Variants in RPE65 observed in about 807,000 individuals in gnomAD.
RPE65 encodes the protein retinoid isomerohydrolase RPE65.
A neutral mutation model predicts 68.5 loss-of-function variants in RPE65; 58 were observed. That is an observed-to-expected ratio of 0.85 (90% confidence interval 0.69 to 1.05). The LOEUF (loss-of-function observed/expected upper bound fraction) is 1.05, where lower values mean the gene tolerates loss of function less well. Among genes scored for constraint, RPE65 ranks in the 50% least tolerant of loss-of-function variants. The probability of loss-of-function intolerance (pLI) is 0.00; values close to 1 mark genes in which losing one functional copy is unlikely to be tolerated. For missense variants in RPE65, 643 were observed against 629.9 expected (o/e 1.02, Z -0.22); for synonymous variants, 220 against 222.2 (o/e 0.99, Z 0.09).
chr1:68,439,359 G>T (rs780930307), intron 7 of RPE65, 36 bp from the exon 8 acceptor site: 40 of 1,610,968 alleles, frequency 2.5e-5, no homozygotes, highest in Non-Finnish European at 3.3e-5. Context: ...TGAATGAAAG[G>T]GCTGATTCTC....
chr1:68,449,836 T>G, intron 1 of RPE65, 59 bp downstream of exon 1: 2 of 1,582,154 alleles, frequency 1.3e-6, no homozygotes, highest in Non-Finnish European at 1.7e-6. Flanking sequence ...GCCCTTGAAA[T>G]AGCACATTTA....
rs759019904 is a variant in RPE65, at chr1:68,431,555, G to T, written c.1159C>A (p.Pro387Thr). Residue 387 changes from proline (P) to threonine (T), a missense_variant, in exon 11 of 14, where the codon CCC becomes ACC. Pro to Thr is a conservative substitution (Grantham distance 38). Transcript: ENST00000262340. Reference sequence around the variant, plus strand: ...AGAATTGCAGTGGCAGTTGTATTGGGGAGCGTGACTAAATTCTTGCCTGTG... The same window carrying T: ...AGAATTGCAGTGGCAGTTGTATTGGTGAGCGTGACTAAATTCTTGCCTGTG... ...ADTGKNLVTL[P>T]NTTATAILCS... is the part of the protein sequence containing the mutation. The T allele has an allele frequency of 1.2e-6, 2 of 1,613,862 alleles. No homozygotes were observed. Among genetic ancestry groups the T allele is most frequent in the Non-Finnish European group, 1.7e-6 (2 of 1,179,882 alleles).
intron 10 of RPE65, among the ~76,000 whole-genome samples, chr1:68,435,136 C>T (rs1346264531): frequency 6.6e-6 from 1 of 152,040 alleles, no homozygotes; most frequent in Non-Finnish European, 1.5e-5. Context: ...ATCTTTGTGA[C>T]GTTACTCTCT....
chr1:68,440,805 C>T (rs772587294), intron 6 of RPE65, 48 bp downstream of exon 6: 1 of 1,606,068 alleles, frequency 6.2e-7, no homozygotes, highest in South Asian at 1.1e-5. Context: ...GTAACTTTCT[C>T]ACAATATAGA....
intron 2 of RPE65, 92 bp downstream of exon 2, chr1:68,448,532 G>T: frequency 2.6e-6 from 3 of 1,162,494 alleles, no homozygotes; most frequent in African/African-American, 1.5e-5. Flanking sequence ...TGACCCACAG[G>T]GGGAGTCTGC....
At chr1:68,432,334 C>T (rs1231054060) in intron 10 of RPE65, among the ~76,000 whole-genome samples, 1 of 151,816 alleles carries the variant, frequency 6.6e-6, no homozygotes, top group African/African-American at 2.4e-5. Flanking sequence ...TTATAATATA[C>T]CACAAATGTG....
intron 2 of RPE65, among the ~76,000 whole-genome samples, chr1:68,447,293 G>A (rs1348148006): frequency 6.6e-6 from 1 of 152,176 alleles, no homozygotes; most frequent in Non-Finnish European, 1.5e-5. Context: ...TTAAAAAGAT[G>A]TGTCTATAGA....
At chr1:68,443,724 T>C (rs1645919835) in intron 5 of RPE65, among the ~76,000 whole-genome samples, 1 of 152,202 alleles carries the variant, frequency 6.6e-6, no homozygotes, top group Non-Finnish European at 1.5e-5. Flanking sequence ...CCTATTACAG[T>C]TACATATTTG....
In RPE65 at chr1:68,431,131, C is replaced by A. The variant is rs62637006; in HGVS notation, c.1384G>T (p.Glu462Ter). Reference sequence around the variant, plus strand: ...GGTTCTGATGGGTATGAATCAGGCTCTTGCCAAACCCAAGTTTCTTTAGTT... The same window carrying A: ...GGTTCTGATGGGTATGAATCAGGCTATTGCCAAACCCAAGTTTCTTTAGTT... ...VKTKETWVWQ[E>*]PDSYPSEPIF... The change falls in exon 13 of 14, where the codon GAG (glutamate) becomes TAG (stop). Residue 462 changes from glutamate to a stop codon, truncating the protein, a stop_gained. Transcript: ENST00000262340. LOFTEE classifies it high-confidence loss of function. The A allele has an allele frequency of 6.2e-7, 1 of 1,613,836 alleles. No homozygotes were observed. The highest frequency in any genetic ancestry group is 8.5e-7 in the Non-Finnish European group (1 of 1,179,834).
At chr1:68,434,348 G>A (rs781747113) in intron 10 of RPE65, among the ~76,000 whole-genome samples, 1 of 151,942 alleles carries the variant, frequency 6.6e-6, no homozygotes, top group Non-Finnish European at 1.5e-5. Flanking sequence ...TGTCCTTAGG[G>A]GAGAGAGCCA....
intron 10 of RPE65, 53 bp downstream of exon 10, chr1:68,438,134 G>T: frequency 6.2e-7 from 1 of 1,608,142 alleles, no homozygotes; most frequent in Non-Finnish European, 8.5e-7. Flanking sequence ...GACAATTCCT[G>T]AGAGAGATGA....
rs1645928294 is a variant in RPE65, at chr1:68,444,621, A to T, written c.405T>A (p.Asn135Lys). The T allele has an allele frequency of 6.2e-7, 1 of 1,614,192 alleles. No homozygotes were observed. Among genetic ancestry groups the T allele is most frequent in the Admixed American group, 1.7e-5 (1 of 60,020 alleles). The change falls in exon 5 of 14, where the codon AAT (asparagine) becomes AAA (lysine). Residue 135 changes from asparagine to lysine, a missense_variant. Transcript: ENST00000262340. ...GVEVTDNALV[N>K]VYPVGEDYYA... ...AGTAATCTTCCCCCACTGGGTAGAC[A>T]TTAACAAGGGCATTGTCAGTAACCT... is the stretch of plus-strand genomic sequence containing the variant.
rs1489591456 is a variant in RPE65 at position 68,429,672 on chromosome 1, A to T, written c.*104T>A. 2 of 1,447,874 alleles carry T rather than the reference A, an allele frequency of 1.4e-6. No individual in the cohort carries two copies. The highest frequency in any genetic ancestry group is 9.6e-7 in the Non-Finnish European group (1 of 1,044,068). 89.7% of individuals were successfully genotyped at this position (1,447,874 alleles called of 1,614,324 possible). On this transcript the variant is annotated 3_prime_UTR_variant, in exon 14 of 14. Coordinates refer to ENST00000262340, the MANE Select transcript of RPE65 (RefSeq NM_000329.3). ...GCAAAATTGTGCGCATCTGCAAGTT[A>T]AAACCATGACATATAGCAGGCTAAA...
Position 68,440,843 on chromosome 1 carries a change from G to T in RPE65, c.643+10C>A, listed in dbSNP as rs758825902. On this transcript the variant is annotated intron_variant, in intron 6 of 13. Coordinates refer to ENST00000262340, the MANE Select transcript of RPE65 (RefSeq NM_000329.3). Reference sequence around the variant, plus strand: ...CTTATTTTCAGAAGAGGACAGATTGGTAAACTCACCTGCTTGCAGTGGTGG... The same window carrying T: ...CTTATTTTCAGAAGAGGACAGATTGTTAAACTCACCTGCTTGCAGTGGTGG... 2 of 1,613,758 alleles carry T rather than the reference G, an allele frequency of 1.2e-6. No individual in the cohort carries two copies. Among genetic ancestry groups the T allele is most frequent in the African/African-American group, 2.7e-5 (2 of 74,916 alleles).
chr1:68,439,426 C>A, intron 7 of RPE65, 103 bp from the exon 8 acceptor site: 1 of 1,557,904 alleles, frequency 6.4e-7, no homozygotes, highest in Non-Finnish European at 8.8e-7. Context: ...ATCAACAGTG[C>A]CTACATGAAA....
rs1381189679 is a variant in RPE65, at chr1:68,439,058, T to C, written c.882A>G (p.Lys294=). 2.5e-6 allele frequency: 4 copies of C among 1,614,116 alleles called. No individual in the cohort carries two copies. Among genetic ancestry groups the C allele is most frequent in the African/African-American group, 1.3e-5 (1 of 75,044 alleles). The change falls in exon 9 of 14, where the codon AAA becomes AAG. Residue 294 remains lysine (K), a synonymous_variant. Coordinates refer to ENST00000262340, the MANE Select transcript of RPE65 (RefSeq NM_000329.3). ...TATTATTGAGGTACTTTTTCCTTTT[T>C]TTGTCAGCAATATGAAGCCAAACCT... is the stretch of plus-strand genomic sequence containing the variant. ...TMGVWLHIAD[K]KRKKYLNNKY...
At position 68,429,586 on chromosome 1, in the gene RPE65, C is replaced by A. The variant is rs534582922; in HGVS notation, c.*190G>T. On this transcript the variant is annotated 3_prime_UTR_variant, in exon 14 of 14. Coordinates refer to ENST00000262340, the MANE Select transcript of RPE65 (RefSeq NM_000329.3). ...CAGAGGAAGTATGATTATCTAAATA[C>A]GTACTTTTTTTTTTAAATAAAGGAA... 1.6e-6 allele frequency: 1 copy of A among 630,284 alleles called. No homozygotes were observed. Among genetic ancestry groups the A allele is most frequent in the Non-Finnish European group, 2.7e-6 (1 of 364,492 alleles). The allele number at this position is 630,284 out of a possible 1,614,324, so 39.0% of individuals were successfully genotyped here. A position where few individuals can be genotyped will look rare whatever the true frequency, so the allele number is the denominator to read the frequency against.
intron 13 of RPE65, among the ~76,000 whole-genome samples, chr1:68,430,530 T>G (rs1275918373): frequency 6.6e-6 from 1 of 152,184 alleles, no homozygotes; most frequent in Non-Finnish European, 1.5e-5. Flanking sequence ...GTGTAATCTA[T>G]CTCCCTGTCC....
chr1:68,446,279 A>G (rs1419231298), intron 3 of RPE65, among the ~76,000 whole-genome samples: 2 of 152,144 alleles, frequency 1.3e-5, no homozygotes, highest in African/African-American at 4.8e-5. Flanking sequence ...CCAATGGTTT[A>G]ATAATAATAA....
Sources: gnomAD v4.1 joint callset for allele counts (sites outside exome capture counted in the v4.1 genomes callset) on GRCh38, gnomAD v4.1.1 for gene constraint, MANE v1.5 for transcripts, NCBI Gene and HGNC (gene_info 2026-07-23, HGNC 2026-07-21) for gene names.